CACNA2D1: variants seen among roughly 807,000 people sequenced by gnomAD.
CACNA2D1 encodes the protein calcium voltage-gated channel auxiliary subunit alpha2delta 1, also known as voltage-dependent calcium channel subunit alpha-2/delta-1.
CACNA2D1 carries 53 observed loss-of-function variants against 171.5 expected under a neutral mutation model. That is an observed-to-expected ratio of 0.31 (90% CI 0.25 to 0.39). The LOEUF is 0.39. CACNA2D1 is among the 10% of genes least tolerant of loss of function. The probability of loss-of-function intolerance (pLI) is 1.00; values close to 1 mark genes in which losing one functional copy is unlikely to be tolerated. For missense variants in CACNA2D1, 903 were observed against 1,299.8 expected, an observed-to-expected ratio of 0.69 and a Z score of 4.69; for synonymous variants, 442 against 443.1, an observed-to-expected ratio of 1.00 and a Z score of 0.03.
intron 3 of CACNA2D1, among the ~76,000 whole-genome samples, chr7:82,287,831 T>C (rs150178462): frequency 6.7e-6 from 1 of 148,406 alleles, no homozygotes; most frequent in Non-Finnish European, 1.5e-5. Context: ...GGCTTGTTTA[T>C]CTCCTTACTT....
intron 20 of CACNA2D1, among the ~76,000 whole-genome samples, chr7:81,993,449 T>A (rs37096): frequency 0.022 from 3,306 of 152,228 alleles, 123 homozygotes; most frequent in African/African-American, 0.074. Context: ...GCCTGTGGAA[T>A]TCAGCTACTT....
At chr7:82,029,929 C>T (rs1290346917) in intron 12 of CACNA2D1, 1 of 151,770 alleles carries the variant, frequency 6.6e-6, no homozygotes, top group Non-Finnish European at 1.5e-5. Context: ...ATTGCCTTGG[C>T]ATTAATAAAG....
chr7:82,044,832 G>A (rs1038344621), intron 10 of CACNA2D1, among the ~76,000 whole-genome samples: 1 of 151,950 alleles, frequency 6.6e-6, no homozygotes, highest in Non-Finnish European at 1.5e-5. Context: ...TAGTAGATTT[G>A]GACTATAAGA....
chr7:82,377,172 C>T (rs1213000209), intron 1 of CACNA2D1, among the ~76,000 whole-genome samples: 1 of 152,110 alleles, frequency 6.6e-6, no homozygotes, highest in Non-Finnish European at 1.5e-5. Context: ...AAAATTGATT[C>T]ATTTTTATTG....
At chr7:82,258,817 C>CTTT (rs201927487) in intron 3 of CACNA2D1, among the ~76,000 whole-genome samples, 1,581 of 72,388 alleles carry the variant, frequency 0.022, 219 homozygotes, top group African/African-American at 0.076. Context: ...TCTTACTTTT[C>CTTT]TTTTTTTTTT....
chr7:82,060,073 G>A lies in CACNA2D1; in HGVS notation c.879+355C>T, dbSNP rs28441098. ...ATGACGAGTTAATAGGTGCAGCACA[G>A]CAACATGGCACATGTATAAATATGT... is the stretch of plus-strand genomic sequence containing the variant. On this transcript the variant is annotated intron_variant, in intron 10 of 38. Transcript: ENST00000356860. Among the ~76,000 whole-genome samples, 828 of 87,460 alleles carry A rather than the reference G, an allele frequency of 9.5e-3. 43 individuals are homozygous for A. The highest frequency in any genetic ancestry group is 0.033 in the African/African-American group (801 of 23,932). 57.4% of individuals were successfully genotyped at this position (87,460 alleles called of 152,430 possible).
chr7:82,217,423 A>ATATATATATATATATG (rs1159388464), intron 3 of CACNA2D1, among the ~76,000 whole-genome samples: 13 of 123,526 alleles, frequency 1.1e-4, no homozygotes, highest in African/African-American at 3.9e-4. Context: ...ATATATATAT[A>ATATATATATATATATG]TATCAGGAAA....
At chr7:82,411,158 T>A (rs1298707145) in intron 1 of CACNA2D1, among the ~76,000 whole-genome samples, 1 of 152,202 alleles carries the variant, frequency 6.6e-6, no homozygotes, top group Non-Finnish European at 1.5e-5. Context: ...CATCTTTTAA[T>A]GGCCCTCCAA....
At chr7:82,141,448 C>A (rs1453617128) in intron 4 of CACNA2D1, among the ~76,000 whole-genome samples, 2 of 152,132 alleles carry the variant, frequency 1.3e-5, no homozygotes, top group Non-Finnish European at 2.9e-5. Context: ...CAGCTGAATT[C>A]TTTCTCCCTT....
intron 7 of CACNA2D1, among the ~76,000 whole-genome samples, chr7:82,068,166 C>T (rs1480617340): frequency 6.6e-6 from 1 of 152,164 alleles, no homozygotes; most frequent in Non-Finnish European, 1.5e-5. Flanking sequence ...TACAGTGTTG[C>T]AGTTTCCCCA....
intron 1 of CACNA2D1, among the ~76,000 whole-genome samples, chr7:82,411,047 G>C (rs552607044): frequency 5.9e-5 from 9 of 152,098 alleles, no homozygotes; most frequent in Non-Finnish European, 1.3e-4. Context: ...TATATTCTTT[G>C]AGAGAAGCAA....
intron 4 of CACNA2D1, among the ~76,000 whole-genome samples, chr7:82,148,796 C>A (rs1167151633): frequency 6.6e-6 from 1 of 152,012 alleles, no homozygotes; most frequent in African/African-American, 2.4e-5. Flanking sequence ...TGCTACCATG[C>A]CCAGCGAATT....
intron 13 of CACNA2D1, 93 bp downstream of exon 13, chr7:82,014,308 C>T (rs1800156775): frequency 1.4e-6 from 1 of 726,070 alleles, no homozygotes; most frequent in Non-Finnish European, 2.5e-6. Context: ...TAAAAGTTAG[C>T]TACAATTTTA....
chr7:82,300,538 A>G (rs905989804), intron 3 of CACNA2D1, among the ~76,000 whole-genome samples: 7 of 152,170 alleles, frequency 4.6e-5, no homozygotes, highest in East Asian at 1.9e-4. Context: ...GTAATTTGCT[A>G]TATTTGCTAC....
In CACNA2D1 at chr7:81,971,766, C is replaced by A. The variant is rs1189026472; in HGVS notation, c.2141+11G>T. Reference sequence around the variant, plus strand: ...GAATACATATTTTTATTAATAAGAACAAATACTTACATATTTTTCTGCTTA... The same window carrying A: ...GAATACATATTTTTATTAATAAGAAAAAATACTTACATATTTTTCTGCTTA... On this transcript the variant is annotated intron_variant, in intron 26 of 38. Coordinates refer to ENST00000356860, the MANE Select transcript of CACNA2D1 (RefSeq NM_000722.4). The A allele has an allele frequency of 6.8e-7, 1 of 1,464,028 alleles. No individual in the cohort carries two copies. Among genetic ancestry groups the A allele is most frequent in the Non-Finnish European group, 9.6e-7 (1 of 1,044,650 alleles). The allele number at this position is 1,464,028 out of a possible 1,614,324, so 90.7% of individuals were successfully genotyped here.
chr7:82,110,037 T>A (rs1252509399), intron 6 of CACNA2D1, among the ~76,000 whole-genome samples: 1 of 152,216 alleles, frequency 6.6e-6, no homozygotes. Context: ...TGTATAAATG[T>A]GTTATTTCAG....
At chr7:82,374,057 G>A (rs1480087802) in intron 1 of CACNA2D1, among the ~76,000 whole-genome samples, 2 of 152,154 alleles carry the variant, frequency 1.3e-5, no homozygotes, top group Non-Finnish European at 2.9e-5. Flanking sequence ...GGGTCAGTCC[G>A]CACGAAACCA....
intron 1 of CACNA2D1, among the ~76,000 whole-genome samples, chr7:82,423,024 A>G (rs1464709460): frequency 1.3e-5 from 2 of 151,944 alleles, no homozygotes. Flanking sequence ...TAAATGACAC[A>G]CTCCATTCCT....
chr7:82,316,791 G>A (rs1448407689), intron 3 of CACNA2D1, among the ~76,000 whole-genome samples: 1 of 152,170 alleles, frequency 6.6e-6, no homozygotes, highest in Non-Finnish European at 1.5e-5. Flanking sequence ...TGGCAGGCAA[G>A]AGAGATTGTG....
Sources: gnomAD v4.1 joint callset for allele counts (sites outside exome capture counted in the v4.1 genomes callset) on GRCh38, gnomAD v4.1.1 for gene constraint, MANE v1.5 for transcripts, NCBI Gene and HGNC (gene_info 2026-07-23, HGNC 2026-07-21) for gene names.